The following RYR3 variants were observed in gnomAD, a reference collection of about 807,000 sequenced individuals.
The protein encoded by RYR3 is brain ryanodine receptor-calcium release channel.
In RYR3, 207 loss-of-function variants were observed where a neutral mutation model predicts 584.3. The ratio of observed to expected loss-of-function variants is 0.35; its 90% CI spans 0.32 to 0.40. The LOEUF is 0.40. RYR3 is among the 10% of genes least tolerant of loss of function. The probability of loss-of-function intolerance (pLI) is 1.00; values close to 1 mark genes in which losing one functional copy is unlikely to be tolerated. For synonymous variants in RYR3, 2,416 were observed against 2,248.5 expected (o/e 1.07, Z -2.11); for missense variants, 5,616 against 6,089.2 (o/e 0.92, Z 2.59).
At chr15:33,455,452 G>T (rs1360035461) in intron 1 of RYR3, among the ~76,000 whole-genome samples, 3 of 152,114 alleles carry the variant, frequency 2.0e-5, no homozygotes, top group Non-Finnish European at 4.4e-5. Flanking sequence ...ACCTCTAAAG[G>T]CACAAGAGGC....
chr15:33,734,721 G>A (rs1269359352), intron 48 of RYR3, among the ~76,000 whole-genome samples: 3 of 128,264 alleles, frequency 2.3e-5, no homozygotes, highest in South Asian at 2.4e-4. Flanking sequence ...ACAGAGTCTC[G>A]CTCTGTCGCC....
intron 20 of RYR3, 98 bp from the exon 21 acceptor site, chr15:33,628,373 T>G: frequency 1.3e-6 from 1 of 768,626 alleles, no homozygotes; most frequent in Non-Finnish European, 2.2e-6. Context: ...CAGCTCCTCC[T>G]GGGTGATGTG....
intron 1 of RYR3, among the ~76,000 whole-genome samples, chr15:33,459,082 A>G (rs938116103): frequency 1.3e-5 from 2 of 152,166 alleles, no homozygotes; most frequent in East Asian, 3.9e-4. Flanking sequence ...AAGTGCTTCA[A>G]TACCCGGCCC....
intron 11 of RYR3, among the ~76,000 whole-genome samples, chr15:33,565,868 A>G (rs1476274027): frequency 3.3e-5 from 5 of 152,140 alleles, no homozygotes; most frequent in Non-Finnish European, 5.9e-5. Flanking sequence ...ACAAGTAGAT[A>G]CTCTTAGCTT....
intron 46 of RYR3, among the ~76,000 whole-genome samples, chr15:33,728,109 C>G (rs2068621022): frequency 6.6e-6 from 1 of 152,190 alleles, no homozygotes; most frequent in South Asian, 2.1e-4. Context: ...TGTCTTCATT[C>G]ATGTTTTCTC....
chr15:33,399,629 C>T lies in RYR3; in HGVS notation c.52-73790C>T, dbSNP rs878908551. Reference sequence around the variant, plus strand: ...CTCCAGCCTGGGCGACAGAGTAAGACTCCGTTTCAAAAATAAAAAAGGAAC... The same window carrying T: ...CTCCAGCCTGGGCGACAGAGTAAGATTCCGTTTCAAAAATAAAAAAGGAAC... On this transcript the variant is annotated intron_variant, in intron 1 of 103. Transcript: ENST00000634891. Among the ~76,000 whole-genome samples the T allele has an allele frequency of 3.9e-5, 6 of 152,116 alleles. No individual in the cohort carries two copies. The East Asian group carries it at 1.2e-3, about 29-fold the overall frequency.
intron 67 of RYR3, among the ~76,000 whole-genome samples, chr15:33,791,825 T>C (rs1355190057): frequency 6.6e-6 from 1 of 152,042 alleles, no homozygotes; most frequent in East Asian, 1.9e-4. Flanking sequence ...TTAAGCTGGA[T>C]GAAGAGGAGG....
Position 33,829,937 on chromosome 15 carries a change from A to G in RYR3, c.11335-1026A>G, listed in dbSNP as rs117544785. On this transcript the variant is annotated intron_variant, in intron 85 of 103. Transcript: ENST00000634891. Reference sequence around the variant, plus strand: ...GAATTAGTAGTGGAGCCTGAAGAACATGAACCTGAATTGCTGCAATCTCAT... The same window carrying G: ...GAATTAGTAGTGGAGCCTGAAGAACGTGAACCTGAATTGCTGCAATCTCAT... Among the ~76,000 whole-genome samples, 665 of 152,308 alleles carry G rather than the reference A, an allele frequency of 4.4e-3. 4 individuals carry two copies. The highest frequency in any genetic ancestry group is 5.7e-3 in the Non-Finnish European group (391 of 68,022).
intron 1 of RYR3, among the ~76,000 whole-genome samples, chr15:33,461,422 T>A (rs1264991470): frequency 6.6e-6 from 1 of 152,236 alleles, no homozygotes; most frequent in Non-Finnish European, 1.5e-5. Flanking sequence ...CTGGTTTTGA[T>A]TCTTTTAGTA....
intron 3 of RYR3, among the ~76,000 whole-genome samples, chr15:33,506,685 G>A (rs1282196516): frequency 6.6e-6 from 1 of 152,182 alleles, no homozygotes; most frequent in Non-Finnish European, 1.5e-5. Context: ...TACCTGAACA[G>A]CAGCTTCAGG....
intron 91 of RYR3, 73 bp downstream of exon 91, chr15:33,842,108 AT>A: frequency 6.7e-7 from 1 of 1,487,814 alleles, no homozygotes; most frequent in Non-Finnish European, 9.1e-7. Context: ...GGTGCCGCTG[AT>A]TTGTTTCACT....
intron 12 of RYR3, among the ~76,000 whole-genome samples, chr15:33,569,217 A>T (rs1361019560): frequency 1.3e-5 from 2 of 152,200 alleles, no homozygotes; most frequent in Non-Finnish European, 2.9e-5. Context: ...AATACTTAGG[A>T]GTGAAATTGC....
intron 1 of RYR3, among the ~76,000 whole-genome samples, chr15:33,415,901 G>T (rs989230564): frequency 6.6e-6 from 1 of 151,882 alleles, no homozygotes; most frequent in Non-Finnish European, 1.5e-5. Flanking sequence ...AGTGTTCATT[G>T]TTCCCATCTT....
chr15:33,670,607 A>G (rs1024428222), intron 38 of RYR3, 51 bp downstream of exon 38: 5 of 1,506,752 alleles, frequency 3.3e-6, no homozygotes, highest in African/African-American at 1.4e-5. Context: ...GACTTAATTA[A>G]TGTAACTTTT....
intron 36 of RYR3, among the ~76,000 whole-genome samples, chr15:33,664,589 G>GTATATATATATATATATATA (rs139063789): frequency 0.014 from 1,242 of 91,076 alleles, 53 homozygotes; most frequent in African/African-American, 0.034. Context: ...GTGTGTGTGT[G>GTATATATATATATATATATA]TATATATATA....
intron 42 of RYR3, among the ~76,000 whole-genome samples, chr15:33,701,866 T>C (rs2066328638): frequency 6.6e-6 from 1 of 151,624 alleles, no homozygotes; most frequent in African/African-American, 2.4e-5. Flanking sequence ...GAGAGGAGAG[T>C]ATGGCGTGCT....
chr15:33,325,375 A>G (rs999273427), intron 1 of RYR3, among the ~76,000 whole-genome samples: 3 of 152,228 alleles, frequency 2.0e-5, no homozygotes, highest in African/African-American at 7.2e-5. Flanking sequence ...CTAAAGATGA[A>G]GGGAAGACAT....
chr15:33,538,621 G>T (rs2055537646), intron 5 of RYR3, among the ~76,000 whole-genome samples: 1 of 152,154 alleles, frequency 6.6e-6, no homozygotes, highest in Admixed American at 6.5e-5. Flanking sequence ...AGGCATCAGG[G>T]ATTTGAATGT....
chr15:33,371,483 T>C (rs969961239), intron 1 of RYR3, among the ~76,000 whole-genome samples: 2 of 152,168 alleles, frequency 1.3e-5, no homozygotes, highest in Admixed American at 6.5e-5. Context: ...CAAACATACA[T>C]TGATAAGCAC....
Sources: gnomAD v4.1 joint callset for allele counts (sites outside exome capture counted in the v4.1 genomes callset) on GRCh38, gnomAD v4.1.1 for gene constraint, MANE v1.5 for transcripts, NCBI Gene and HGNC (gene_info 2026-07-23, HGNC 2026-07-21) for gene names.